The following ANXA8 variants were observed in gnomAD, a reference collection of about 807,000 sequenced individuals.
ANXA8 encodes the protein annexin A8.
ANXA8 carries 9 observed loss-of-function variants against 26.8 expected under a neutral mutation model. The observed-to-expected ratio is 0.34, with a 90% CI of 0.20 to 0.59. ANXA8 has a LOEUF of 0.59. ANXA8 is among the 20% of genes least tolerant of loss of function. The pLI is 0.84. For missense variants in ANXA8, 83 were observed against 238.5 expected, an observed-to-expected ratio of 0.35 and a Z score of 4.29; for synonymous variants, 39 against 94.8, an observed-to-expected ratio of 0.41 and a Z score of 3.42.
the ANXA8 span, among the ~76,000 whole-genome samples, chr10:47,932,693 T>TCG: frequency 7.9e-5 from 6 of 76,220 alleles, 1 homozygote; most frequent in East Asian, 1.6e-3. Context: ...AAGAGCATGC[T>TCG]CTCTCTCTCT....
chr10:47,510,432 TC>T, the ANXA8 span, among the ~76,000 whole-genome samples: 1 of 140,700 alleles, frequency 7.1e-6, no homozygotes, highest in Admixed American at 7.3e-5. Context: ...GCTCTCAACT[TC>T]CAGAGATGAT....
chr10:47,484,985 G>T (rs1404551161), upstream of ANXA8, among the ~76,000 whole-genome samples: 1 of 147,740 alleles, frequency 6.8e-6, no homozygotes, highest in Non-Finnish European at 1.5e-5. Flanking sequence ...TCCTGGAGCC[G>T]CTGCAAACCT....
chr10:47,521,904 G>C, the ANXA8 span, among the ~76,000 whole-genome samples: 1 of 149,742 alleles, frequency 6.7e-6, no homozygotes, highest in Non-Finnish European at 1.5e-5. Flanking sequence ...CCTCAGCCTT[G>C]TGAGTAGCTG....
the ANXA8 span, among the ~76,000 whole-genome samples, chr10:47,768,154 A>AC: frequency 5.3e-5 from 8 of 150,278 alleles, no homozygotes; most frequent in Non-Finnish European, 1.0e-4. Context: ...AAGTTTTTTG[A>AC]CCCCCCTTAG....
At chr10:47,527,832 CG>C in the ANXA8 span, among the ~76,000 whole-genome samples, 1 of 146,762 alleles carries the variant, frequency 6.8e-6, no homozygotes, top group Non-Finnish European at 1.5e-5. Flanking sequence ...TCAACAAAAG[CG>C]TGAGTATACT....
At chr10:47,611,767 A>G in the ANXA8 span, among the ~76,000 whole-genome samples, 12 of 70,964 alleles carry the variant, frequency 1.7e-4, 4 homozygotes, top group African/African-American at 5.1e-4. Context: ...CTAAGTTTCT[A>G]TAAAACTTCA....
chr10:47,733,199 TTCTTTCTTTCTTTC>T, the ANXA8 span, among the ~76,000 whole-genome samples: 4 of 112,476 alleles, frequency 3.6e-5, no homozygotes, highest in Non-Finnish European at 8.0e-5. Context: ...CTTTCTTTCT[TTCTTTCTTTCTTTC>T]TTTCTTTCTC....
chr10:47,489,651 G>C, the ANXA8 span: 4 of 670,034 alleles, frequency 6.0e-6, no homozygotes, highest in Non-Finnish European at 1.0e-5. Flanking sequence ...GGCATGAACT[G>C]AACAGAGGAG....
chr10:47,555,020 AC>A, the ANXA8 span, among the ~76,000 whole-genome samples: 1 of 151,004 alleles, frequency 6.6e-6, no homozygotes, highest in African/African-American at 2.4e-5. Context: ...AAGGACTGCA[AC>A]CCTCACAGTA....
the ANXA8 span, among the ~76,000 whole-genome samples, chr10:47,528,373 C>T: frequency 6.5e-4 from 79 of 122,288 alleles, 7 homozygotes; most frequent in East Asian, 5.1e-3. Context: ...CCACTGCACC[C>T]GGCTAGACTT....
At chr10:47,670,743 A>C in the ANXA8 span, among the ~76,000 whole-genome samples, 23 of 151,580 alleles carry the variant, frequency 1.5e-4, no homozygotes, top group Non-Finnish European at 2.9e-4. Flanking sequence ...AGTTCTTTAT[A>C]CATTCTGGGT....
At chr10:47,981,224 A>T in the ANXA8 span, among the ~76,000 whole-genome samples, 1 of 151,388 alleles carries the variant, frequency 6.6e-6, no homozygotes, top group Non-Finnish European at 1.5e-5. Flanking sequence ...ATAGATGCAG[A>T]AAAAACATTT....
chr10:47,570,602 C>T, the ANXA8 span, among the ~76,000 whole-genome samples: 3 of 149,958 alleles, frequency 2.0e-5, no homozygotes, highest in South Asian at 2.1e-4. Context: ...GGCAATATAG[C>T]GAGACCCCGT....
At chr10:47,714,524 T>G in the ANXA8 span, among the ~76,000 whole-genome samples, 4 of 85,264 alleles carry the variant, frequency 4.7e-5, no homozygotes, top group African/African-American at 1.4e-4. Context: ...ATAATACAGA[T>G]AAGTTGAATT....
the ANXA8 span, among the ~76,000 whole-genome samples, chr10:47,640,549 G>A: frequency 2.2e-5 from 2 of 92,816 alleles, no homozygotes; most frequent in Non-Finnish European, 3.8e-5. Flanking sequence ...CACAGCTGAG[G>A]AAGAGAGGTG....
chr10:47,548,950 G>C, the ANXA8 span, among the ~76,000 whole-genome samples: 1 of 152,288 alleles, frequency 6.6e-6, no homozygotes, highest in Admixed American at 6.5e-5. Flanking sequence ...TTAGCACAGT[G>C]CCAGGAAGGA....
chr10:47,733,213 CTTTCTTTCTCTTTCTTTCTCTCTTT>C, the ANXA8 span, among the ~76,000 whole-genome samples: 1 of 68,432 alleles, frequency 1.5e-5, no homozygotes, highest in African/African-American at 5.0e-5. Flanking sequence ...TTCTTTCTTT[CTTTCTTTCTCTTTCTTTCTCTCTTT>C]CTTTCTTTCT....
the ANXA8 span, among the ~76,000 whole-genome samples, chr10:47,741,973 T>TG: frequency 2.0e-5 from 2 of 99,724 alleles, no homozygotes; most frequent in African/African-American, 7.2e-5. Context: ...CCCGAGTAGC[T>TG]GGGATTACAG....
At chr10:47,673,548 A>G in the ANXA8 span, among the ~76,000 whole-genome samples, 1 of 150,090 alleles carries the variant, frequency 6.7e-6, no homozygotes, top group South Asian at 2.1e-4. Context: ...GGGCTGCACG[A>G]GGGCACCTGA....
Sources: gnomAD v4.1 joint callset for allele counts (sites outside exome capture counted in the v4.1 genomes callset) on GRCh38, gnomAD v4.1.1 for gene constraint, MANE v1.5 for transcripts, NCBI Gene and HGNC (gene_info 2026-07-23, HGNC 2026-07-21) for gene names.